Variants in SCHIP1 observed in about 807,000 individuals in gnomAD.
SCHIP1 encodes the protein schwannomin interacting protein 1.
In SCHIP1, 8 loss-of-function variants were observed where a neutral mutation model predicts 29.7. The observed-to-expected ratio is 0.27, with a 90% CI of 0.16 to 0.49. SCHIP1 has a LOEUF of 0.49. Among genes scored for constraint, SCHIP1 ranks in the 20% least tolerant of loss-of-function variants. The probability of loss-of-function intolerance (pLI) is 0.99; values close to 1 mark genes in which losing one functional copy is unlikely to be tolerated. For synonymous variants in SCHIP1, 76 were observed against 94.9 expected, an observed-to-expected ratio of 0.80 and a Z score of 1.16; for missense variants, 193 against 294.6, an observed-to-expected ratio of 0.66 and a Z score of 2.52.
chr3:159,463,739 G>GAT, the SCHIP1 span, among the ~76,000 whole-genome samples: 8 of 105,890 alleles, frequency 7.6e-5, no homozygotes, highest in African/African-American at 3.5e-4. Context: ...AGAACAGAAT[G>GAT]AGATATATAT....
the SCHIP1 span, among the ~76,000 whole-genome samples, chr3:159,639,155 A>C: frequency 1.3e-5 from 2 of 152,198 alleles, no homozygotes; most frequent in Non-Finnish European, 2.9e-5. Context: ...AAAGAGGTGA[A>C]TGAAGGCCAA....
At chr3:159,651,597 G>A in the SCHIP1 span, among the ~76,000 whole-genome samples, 6 of 152,136 alleles carry the variant, frequency 3.9e-5, no homozygotes, top group Non-Finnish European at 5.9e-5. Flanking sequence ...TGCACCAAAG[G>A]TTTGGTAATT....
the SCHIP1 span, among the ~76,000 whole-genome samples, chr3:159,610,067 A>G: frequency 6.6e-6 from 1 of 152,198 alleles, no homozygotes; most frequent in Non-Finnish European, 1.5e-5. Flanking sequence ...AGATGATATT[A>G]TTACCATTTT....
At chr3:159,512,896 A>G in the SCHIP1 span, among the ~76,000 whole-genome samples, 1 of 152,196 alleles carries the variant, frequency 6.6e-6, no homozygotes, top group African/African-American at 2.4e-5. Context: ...ACTCTCTATG[A>G]GTTCAATTGT....
At chr3:159,284,060 C>T in the SCHIP1 span, among the ~76,000 whole-genome samples, 7 of 152,202 alleles carry the variant, frequency 4.6e-5, no homozygotes, top group Middle Eastern at 3.4e-3. Context: ...GTGCAAGCTT[C>T]GTAAAATGAA....
At chr3:159,542,419 T>C in the SCHIP1 span, among the ~76,000 whole-genome samples, 1 of 152,106 alleles carries the variant, frequency 6.6e-6, no homozygotes, top group Non-Finnish European at 1.5e-5. Context: ...CACTACATAT[T>C]AACTTGCATT....
the SCHIP1 span, among the ~76,000 whole-genome samples, chr3:159,540,433 T>C: frequency 6.6e-6 from 1 of 152,086 alleles, no homozygotes; most frequent in African/African-American, 2.4e-5. Flanking sequence ...GTGATAAAAA[T>C]ATTTTCAACA....
At chr3:159,406,606 T>C in the SCHIP1 span, among the ~76,000 whole-genome samples, 1 of 152,186 alleles carries the variant, frequency 6.6e-6, no homozygotes, top group Non-Finnish European at 1.5e-5. Context: ...AACACTGTAA[T>C]TGTGATGTGT....
intron 2 of SCHIP1, among the ~76,000 whole-genome samples, chr3:159,871,818 C>T (rs904894501): frequency 1.3e-5 from 2 of 152,132 alleles, no homozygotes; most frequent in East Asian, 1.9e-4. Flanking sequence ...TGAGCATGCT[C>T]CAGTCTCAAC....
the SCHIP1 span, among the ~76,000 whole-genome samples, chr3:159,615,207 C>G: frequency 6.6e-6 from 1 of 152,176 alleles, no homozygotes; most frequent in African/African-American, 2.4e-5. Flanking sequence ...CAGGGTTCTA[C>G]AAGGCATTCA....
At chr3:159,786,693 G>GTGTATGTA in the SCHIP1 span, among the ~76,000 whole-genome samples, 4 of 146,914 alleles carry the variant, frequency 2.7e-5, no homozygotes, top group African/African-American at 1.0e-4. Context: ...GTGTGTGTGT[G>GTGTATGTA]TGTCTGCGCG....
chr3:159,506,187 T>C, the SCHIP1 span, among the ~76,000 whole-genome samples: 1 of 152,236 alleles, frequency 6.6e-6, no homozygotes, highest in African/African-American at 2.4e-5. Context: ...TGGTATCTCA[T>C]TGTGGTTTTG....
the SCHIP1 span, among the ~76,000 whole-genome samples, chr3:159,373,348 G>A: frequency 2.6e-5 from 4 of 151,758 alleles, no homozygotes; most frequent in Non-Finnish European, 4.4e-5. Context: ...AAAAAGTGAT[G>A]TTATAATTTA....
At chr3:159,829,399 A>T in the SCHIP1 span, among the ~76,000 whole-genome samples, 14 of 152,218 alleles carry the variant, frequency 9.2e-5, no homozygotes, top group African/African-American at 3.4e-4. Context: ...CCCAAAAAAA[A>T]TCAAACTGGA....
chr3:159,309,884 G>T, the SCHIP1 span, among the ~76,000 whole-genome samples: 1 of 152,144 alleles, frequency 6.6e-6, no homozygotes, highest in South Asian at 2.1e-4. Context: ...AAGTCATTAT[G>T]ATAGAGTTCC....
chr3:159,565,669 T>A, the SCHIP1 span, among the ~76,000 whole-genome samples: 2 of 112,566 alleles, frequency 1.8e-5, no homozygotes, highest in African/African-American at 3.0e-5. Context: ...TAGCCAGATG[T>A]TTTTTTGTGG....
chr3:159,674,913 G>A, the SCHIP1 span, among the ~76,000 whole-genome samples: 4 of 152,138 alleles, frequency 2.6e-5, no homozygotes, highest in African/African-American at 7.2e-5. Context: ...CAGTATCTAC[G>A]GAGTTTAAGG....
the SCHIP1 span, among the ~76,000 whole-genome samples, chr3:159,422,324 A>G: frequency 6.6e-6 from 1 of 152,230 alleles, no homozygotes; most frequent in Non-Finnish European, 1.5e-5. Flanking sequence ...CCCAGTTTAT[A>G]TCATTTTTGC....
At chr3:159,691,836 T>C in the SCHIP1 span, among the ~76,000 whole-genome samples, 7 of 152,112 alleles carry the variant, frequency 4.6e-5, no homozygotes, top group African/African-American at 1.4e-4. Flanking sequence ...CTGGAAATGA[T>C]TTTATTTCTC....
Sources: gnomAD v4.1 joint callset for allele counts (sites outside exome capture counted in the v4.1 genomes callset) on GRCh38, gnomAD v4.1.1 for gene constraint, MANE v1.5 for transcripts, NCBI Gene and HGNC (gene_info 2026-07-23, HGNC 2026-07-21) for gene names.